The following AKAP6 variants were observed in gnomAD, a reference collection of about 807,000 sequenced individuals.
AKAP6 encodes the protein A-kinase anchoring protein 6.
AKAP6 carries 58 observed loss-of-function variants against 188.5 expected under a neutral mutation model. The observed-to-expected ratio is 0.31, with a 90% CI of 0.25 to 0.38. The LOEUF (loss-of-function observed/expected upper bound fraction) is 0.38, where lower values mean the gene tolerates loss of function less well. Ranked by LOEUF, AKAP6 falls within the 10% of genes least tolerant of loss-of-function variation. AKAP6 has a pLI of 1.00. For synonymous variants in AKAP6, 989 were observed against 998.6 expected, an observed-to-expected ratio of 0.99 and a Z score of 0.18; for missense variants, 2,710 against 2,740.0, an observed-to-expected ratio of 0.99 and a Z score of 0.24.
At chr14:32,352,382 T>A (rs1282682331) in intron 1 of AKAP6, among the ~76,000 whole-genome samples, 1 of 152,148 alleles carries the variant, frequency 6.6e-6, no homozygotes, top group Non-Finnish European at 1.5e-5. Context: ...AAGGCATCCA[T>A]CATCTCAAAC....
chr14:32,489,429 C>T (rs558772937), intron 2 of AKAP6, among the ~76,000 whole-genome samples: 49 of 152,202 alleles, frequency 3.2e-4, no homozygotes, highest in South Asian at 8.3e-4. Context: ...AGGCTGGTCT[C>T]GAACTCCTGG....
At chr14:32,706,427 A>G (rs1482124958) in intron 9 of AKAP6, among the ~76,000 whole-genome samples, 1 of 152,048 alleles carries the variant, frequency 6.6e-6, no homozygotes, top group Non-Finnish European at 1.5e-5. Flanking sequence ...TGTTAGATTC[A>G]GGAAAGCTAA....
intron 12 of AKAP6, among the ~76,000 whole-genome samples, chr14:32,812,868 C>A (rs2034271606): frequency 6.6e-6 from 1 of 152,174 alleles, no homozygotes; most frequent in South Asian, 2.1e-4. Context: ...TAAAAAGTTT[C>A]TCTACACACA....
At chr14:32,720,819 T>C (rs1008419339) in intron 9 of AKAP6, among the ~76,000 whole-genome samples, 2 of 152,138 alleles carry the variant, frequency 1.3e-5, no homozygotes, top group African/African-American at 4.8e-5. Context: ...AATAGCCAAC[T>C]GCACTCCAGC....
rs34909452 is a variant in AKAP6 at position 32,551,835 on chromosome 14, A to AT, written c.2346+4848dup. 3.9e-3 allele frequency among the ~76,000 whole-genome samples: 553 copies of AT among 141,858 alleles called. 6 individuals carry two copies. Among genetic ancestry groups the AT allele is most frequent in the Non-Finnish European group, 4.5e-3 (286 of 63,868 alleles). The allele number at this position is 141,858 out of a possible 152,430, so 93.1% of individuals were successfully genotyped here. A position where few individuals can be genotyped will look rare whatever the true frequency, so the allele number is the denominator to read the frequency against. ...CCACCACACCCGGCTAATTTTTTGT[A>AT]TTTTTTTTTTTTAGTAGAGATGGGG... is the stretch of plus-strand genomic sequence containing the variant. On this transcript the variant is annotated intron_variant, in intron 4 of 13. Transcript: ENST00000280979.
chr14:32,735,612 TTTTG>T lies in AKAP6; in HGVS notation c.3148-34_3148-31del, dbSNP rs752055016. ...TTTTTTTGTTGTTCGTGGGGTTTTT[TTTTG>T]TTTGTTTGTTTTATTTTTTGTTTTT... On this transcript the variant is annotated intron_variant, in intron 10 of 13. Coordinates refer to ENST00000280979, the MANE Select transcript of AKAP6 (RefSeq NM_004274.5). The T allele has an allele frequency of 3.1e-4, 444 of 1,416,348 alleles. 1 individual carries two copies. The highest frequency in any genetic ancestry group is 4.1e-4 in the Non-Finnish European group (423 of 1,040,604). 87.7% of individuals were successfully genotyped at this position (1,416,348 alleles called of 1,614,324 possible). A position where few individuals can be genotyped will look rare whatever the true frequency, so the allele number is the denominator to read the frequency against.
rs540308695 is a variant in AKAP6, at chr14:32,780,814, A to G, written c.3588+6921A>G. 2.6e-5 allele frequency among the ~76,000 whole-genome samples: 4 copies of G among 152,330 alleles called. No individual in the cohort carries two copies. The South Asian group carries it at 8.3e-4, about 32-fold the overall frequency. ...GTCATACAAAGTATGTTATTTGACT[A>G]TAATAGAATTAGTTTCAAAATAAGT... is the stretch of plus-strand genomic sequence containing the variant. On this transcript the variant is annotated intron_variant, in intron 12 of 13. Transcript: ENST00000280979.
chr14:32,459,413 G>A (rs946501040), intron 2 of AKAP6, among the ~76,000 whole-genome samples: 1 of 151,968 alleles, frequency 6.6e-6, no homozygotes, highest in African/African-American at 2.4e-5. Context: ...AAGGGATAAG[G>A]TTTTGAGAAA....
chr14:32,617,718 C>A (rs568460288), intron 7 of AKAP6, among the ~76,000 whole-genome samples: 5 of 152,304 alleles, frequency 3.3e-5, no homozygotes, highest in African/African-American at 9.6e-5. Context: ...CTTTGCCTCC[C>A]AGGTTTGAGT....
At chr14:32,789,329 C>T (rs879005591) in intron 12 of AKAP6, among the ~76,000 whole-genome samples, 3 of 152,214 alleles carry the variant, frequency 2.0e-5, no homozygotes, top group Admixed American at 2.0e-4. Flanking sequence ...TGTCTGGACG[C>T]GGAAGGGTCT....
chr14:32,702,022 C>T (rs1330697788), intron 9 of AKAP6, among the ~76,000 whole-genome samples: 1 of 152,014 alleles, frequency 6.6e-6, no homozygotes, highest in Non-Finnish European at 1.5e-5. Flanking sequence ...ACATCTCTAC[C>T]CTGATGTTCA....
At position 32,599,516 on chromosome 14, in the gene AKAP6, C is replaced by T. The variant is rs781570955; in HGVS notation, c.2566+10C>T. 6.8e-6 allele frequency: 11 copies of T among 1,608,854 alleles called. No homozygotes were observed. Among genetic ancestry groups the T allele is most frequent in the Non-Finnish European group, 9.4e-6 (11 of 1,176,412 alleles). Reference sequence around the variant, plus strand: ...GCATCTCACAAAGCAGGTAAATCCTCCTGAAATATTGCAAGTCTTTACGTC... The same window carrying T: ...GCATCTCACAAAGCAGGTAAATCCTTCTGAAATATTGCAAGTCTTTACGTC... On this transcript the variant is annotated intron_variant, in intron 6 of 13. Coordinates refer to ENST00000280979, the MANE Select transcript of AKAP6 (RefSeq NM_004274.5).
At chr14:32,463,251 T>TAAC (rs766551085) in intron 2 of AKAP6, among the ~76,000 whole-genome samples, 11 of 152,242 alleles carry the variant, frequency 7.2e-5, no homozygotes, top group Admixed American at 2.0e-4. Context: ...TAAGCAGACC[T>TAAC]AACAGACATC....
intron 1 of AKAP6, among the ~76,000 whole-genome samples, chr14:32,369,469 G>A (rs570259025): frequency 3.6e-4 from 55 of 152,318 alleles, no homozygotes; most frequent in African/African-American, 1.3e-3. Context: ...TTTCTAAACC[G>A]TTAATTTGGC....
At chr14:32,787,350 A>G (rs1375539281) in intron 12 of AKAP6, among the ~76,000 whole-genome samples, 1 of 152,194 alleles carries the variant, frequency 6.6e-6, no homozygotes, top group Non-Finnish European at 1.5e-5. Context: ...GAAATTCTCT[A>G]GATTGTGACC....
intron 12 of AKAP6, among the ~76,000 whole-genome samples, chr14:32,805,178 T>C (rs2034056705): frequency 1.3e-5 from 2 of 152,234 alleles, no homozygotes; most frequent in South Asian, 4.1e-4. Context: ...AACTGATGAA[T>C]GTCCATGAAA....
chr14:32,726,575 C>T lies in AKAP6; in HGVS notation c.3001-5879C>T, dbSNP rs1458003199. On this transcript the variant is annotated intron_variant, in intron 9 of 13. Coordinates refer to ENST00000280979, the MANE Select transcript of AKAP6 (RefSeq NM_004274.5). ...CTTGAAGAGATCATTTTGGTATTGG[C>T]GCATTAACACGTTATGGTGAAAAGA... 3.3e-5 allele frequency among the ~76,000 whole-genome samples: 5 copies of T among 152,284 alleles called. No homozygotes were observed. The East Asian group carries it at 5.8e-4, about 18-fold the overall frequency.
intron 9 of AKAP6, among the ~76,000 whole-genome samples, chr14:32,710,728 T>A (rs571428559): frequency 3.9e-5 from 6 of 152,070 alleles, no homozygotes; most frequent in Non-Finnish European, 5.9e-5. Flanking sequence ...GTAGGGATAA[T>A]AACACCTACC....
intron 1 of AKAP6, among the ~76,000 whole-genome samples, chr14:32,330,152 AG>A (rs1239780144): frequency 1.3e-5 from 2 of 152,046 alleles, no homozygotes; most frequent in African/African-American, 4.8e-5. Context: ...CGGCAGTTGC[AG>A]TGAAGGGTAA....
Sources: allele counts gnomAD v4.1 joint callset (sites outside exome capture counted in the v4.1 genomes callset), GRCh38; gene constraint gnomAD v4.1.1; transcripts MANE v1.5; gene names NCBI Gene and HGNC (gene_info 2026-07-23, HGNC 2026-07-21).